ASTN2: variants seen among roughly 807,000 people sequenced by gnomAD.
ASTN2 encodes the protein astrotactin 2, also known as astrotactin-2.
ASTN2 carries 54 observed loss-of-function variants against 139.8 expected under a neutral mutation model. The observed-to-expected ratio is 0.39, with a 90% CI of 0.31 to 0.48. ASTN2 has a LOEUF of 0.48. ASTN2 is among the 20% of genes least tolerant of loss of function. The pLI, the probability that ASTN2 is intolerant of heterozygous loss-of-function variation, is 0.95. For synonymous variants in ASTN2, 756 were observed against 719.5 expected, an observed-to-expected ratio of 1.05 and a Z score of -0.81; for missense variants, 1,565 against 1,725.1, an observed-to-expected ratio of 0.91 and a Z score of 1.64.
At chr9:116,537,671 C>A (rs115794146) in intron 19 of ASTN2, among the ~76,000 whole-genome samples, 5,963 of 152,216 alleles carry the variant, frequency 0.039, 420 homozygotes, top group African/African-American at 0.14. Context: ...TTTGGAAAGA[C>A]CATTCACTGC....
chr9:116,634,214 A>G (rs1017913336), intron 17 of ASTN2, among the ~76,000 whole-genome samples: 4 of 152,220 alleles, frequency 2.6e-5, no homozygotes, highest in Admixed American at 1.3e-4. Context: ...ATCTATATAA[A>G]TATCCACATA....
intron 2 of ASTN2, among the ~76,000 whole-genome samples, chr9:117,286,418 C>T (rs372115085): frequency 6.9e-6 from 1 of 144,490 alleles, no homozygotes; most frequent in East Asian, 2.1e-4. Flanking sequence ...GTGGCGTGAT[C>T]CTGGCTCACT....
intron 10 of ASTN2, among the ~76,000 whole-genome samples, chr9:116,876,066 ATAAAT>A (rs1833288015): frequency 6.6e-6 from 1 of 152,230 alleles, no homozygotes; most frequent in Non-Finnish European, 1.5e-5. Context: ...TCTGGGTAAA[ATAAAT>A]TAAAAACTTT....
chr9:116,858,503 T>A (rs1007900686), intron 11 of ASTN2, among the ~76,000 whole-genome samples: 1 of 152,222 alleles, frequency 6.6e-6, no homozygotes, highest in Admixed American at 6.5e-5. Flanking sequence ...TGTGATTAAG[T>A]GCTTACAGTT....
At chr9:116,661,667 T>C (rs1177378841) in intron 16 of ASTN2, among the ~76,000 whole-genome samples, 2 of 152,028 alleles carry the variant, frequency 1.3e-5, no homozygotes, top group Non-Finnish European at 2.9e-5. Flanking sequence ...AAGGTGGTAA[T>C]GGAATGGATG....
chr9:116,884,137 G>C (rs971199743), intron 10 of ASTN2, among the ~76,000 whole-genome samples: 1 of 152,190 alleles, frequency 6.6e-6, no homozygotes, highest in Non-Finnish European at 1.5e-5. Context: ...GAGATGCTTG[G>C]TGAATTCCAT....
chr9:117,339,502 CA>C (rs1326840309), intron 1 of ASTN2, among the ~76,000 whole-genome samples: 2 of 150,910 alleles, frequency 1.3e-5, no homozygotes, highest in African/African-American at 2.4e-5. Flanking sequence ...TTACAAAAGC[CA>C]AAAAAAAGGA....
rs929989089 is a variant in ASTN2 at position 116,786,037 on chromosome 9, T to C, written c.2396+19595A>G. Among the ~76,000 whole-genome samples, 25 of 152,254 alleles carry C rather than the reference T, an allele frequency of 1.6e-4. 1 individual carries two copies. Among genetic ancestry groups the C allele is most frequent in the Admixed American group, 1.6e-3 (25 of 15,288 alleles). ...CCATTGCCTCTTTATTTGTAACCTT[T>C]TTTCCTACTACTTGCCCCGCCTCCT... is the stretch of plus-strand genomic sequence containing the variant. On this transcript the variant is annotated intron_variant, in intron 13 of 22. Coordinates refer to ENST00000313400, the MANE Select transcript of ASTN2 (RefSeq NM_001365068.1).
intron 10 of ASTN2, among the ~76,000 whole-genome samples, chr9:116,929,976 C>G (rs114016439): frequency 1.0e-3 from 158 of 152,322 alleles, no homozygotes; most frequent in African/African-American, 3.8e-3. Flanking sequence ...TGTCAGTCCC[C>G]TGATACTAAT....
At chr9:117,238,146 G>A (rs916591254) in intron 2 of ASTN2, among the ~76,000 whole-genome samples, 1 of 152,172 alleles carries the variant, frequency 6.6e-6, no homozygotes, top group Non-Finnish European at 1.5e-5. Flanking sequence ...CCTTGTGGCG[G>A]GAAGGAAGGA....
intron 20 of ASTN2, among the ~76,000 whole-genome samples, chr9:116,479,881 T>G (rs1849111186): frequency 6.6e-6 from 1 of 152,144 alleles, no homozygotes; most frequent in Non-Finnish European, 1.5e-5. Context: ...GGTGTGGCAA[T>G]TTTCAGTTCA....
chr9:117,066,016 CTTTT>C (rs58654004), intron 5 of ASTN2, among the ~76,000 whole-genome samples: 2,695 of 146,090 alleles, frequency 0.018, 85 homozygotes, highest in African/African-American at 0.065. Flanking sequence ...CCCATTTTAT[CTTTT>C]TTTTTTTTTT....
At chr9:117,177,504 G>A (rs1830946391) in intron 3 of ASTN2, among the ~76,000 whole-genome samples, 1 of 152,240 alleles carries the variant, frequency 6.6e-6, no homozygotes, top group East Asian at 1.9e-4. Context: ...TTAGAATTGT[G>A]TGACCAAAGC....
rs60618068 is a variant in ASTN2 at position 116,502,682 on chromosome 9, A to AGAAGGAAGGAAG, written c.3356-15194_3356-15183dup. Reference sequence around the variant, plus strand: ...AAGAAAAACAGAAGGAAGAAAGGAAAGAAGGAAGGAAGGAAGGAAGGAAGG... The same window carrying AGAAGGAAGGAAG: ...AAGAAAAACAGAAGGAAGAAAGGAAAGAAGGAAGGAAGGAAGGAAGGAAGGAAGGAAGGAAGG... On this transcript the variant is annotated intron_variant, in intron 19 of 22. Transcript: ENST00000313400. 2.6e-4 allele frequency among the ~76,000 whole-genome samples: 25 copies of AGAAGGAAGGAAG among 96,452 alleles called. 2 individuals carry two copies. Among genetic ancestry groups the AGAAGGAAGGAAG allele is most frequent in the African/African-American group, 7.9e-4 (20 of 25,362 alleles). The allele number at this position is 96,452 out of a possible 152,430, so 63.3% of individuals were successfully genotyped here.
intron 19 of ASTN2, chr9:116,568,364 A>C (rs1389029111): frequency 6.6e-6 from 1 of 152,174 alleles, no homozygotes; most frequent in Non-Finnish European, 1.5e-5. Context: ...TTAAATTTTA[A>C]TTTTTATCTT....
intron 22 of ASTN2, among the ~76,000 whole-genome samples, chr9:116,426,524 C>G (rs1847315021): frequency 6.6e-6 from 1 of 151,702 alleles, no homozygotes; most frequent in African/African-American, 2.4e-5. Flanking sequence ...TATTGTCTAC[C>G]CCCTTTTAAT....
At chr9:117,370,332 A>G (rs1339686256) in intron 1 of ASTN2, among the ~76,000 whole-genome samples, 1 of 152,164 alleles carries the variant, frequency 6.6e-6, no homozygotes, top group Non-Finnish European at 1.5e-5. Context: ...AAACAAATCA[A>G]TCACCCTGTT....
chr9:117,087,453 C>G (rs1438780437), intron 5 of ASTN2, among the ~76,000 whole-genome samples: 2 of 152,102 alleles, frequency 1.3e-5, no homozygotes, highest in Non-Finnish European at 2.9e-5. Flanking sequence ...GTCCGGAACT[C>G]CCAGGCTTAA....
chr9:116,774,512 T>C (rs927125411), intron 13 of ASTN2, among the ~76,000 whole-genome samples: 3 of 152,176 alleles, frequency 2.0e-5, no homozygotes, highest in Non-Finnish European at 4.4e-5. Flanking sequence ...GGAGCTTTTT[T>C]TGCATTATTC....
Sources: gnomAD v4.1 joint callset for allele counts (sites outside exome capture counted in the v4.1 genomes callset) on GRCh38, gnomAD v4.1.1 for gene constraint, MANE v1.5 for transcripts, NCBI Gene and HGNC (gene_info 2026-07-23, HGNC 2026-07-21) for gene names.